RAD18: variants seen among roughly 807,000 people sequenced by gnomAD.
RAD18 encodes E3 ubiquitin-protein ligase RAD18.
A neutral mutation model predicts 60.4 loss-of-function variants in RAD18; 47 were observed. That is an observed-to-expected ratio of 0.78 (90% CI 0.62 to 0.99). The LOEUF (loss-of-function observed/expected upper bound fraction) is 0.99, where lower values mean the gene tolerates loss of function less well. RAD18 is among the 50% of genes least tolerant of loss of function. The probability of loss-of-function intolerance (pLI) is 0.00; values close to 1 mark genes in which losing one functional copy is unlikely to be tolerated. For synonymous variants in RAD18, 225 were observed against 195.5 expected, an observed-to-expected ratio of 1.15 and a Z score of -1.26; for missense variants, 640 against 593.3, an observed-to-expected ratio of 1.08 and a Z score of -0.82.
chr3:8,944,322 T>G (rs1000374684), intron 4 of RAD18, among the ~76,000 whole-genome samples: 3 of 152,122 alleles, frequency 2.0e-5, no homozygotes, highest in Non-Finnish European at 4.4e-5. Context: ...CAAAGAAAAC[T>G]CCAAGCCCAG....
At chr3:8,901,233 G>T (rs979032831) in intron 10 of RAD18, among the ~76,000 whole-genome samples, 2 of 152,188 alleles carry the variant, frequency 1.3e-5, no homozygotes, top group Admixed American at 1.3e-4. Flanking sequence ...TGGTGGGAAT[G>T]TAAGATAATG....
intron 7 of RAD18, among the ~76,000 whole-genome samples, chr3:8,935,395 A>C (rs1477930394): frequency 6.6e-6 from 1 of 152,246 alleles, no homozygotes; most frequent in Non-Finnish European, 1.5e-5. Context: ...ACATTTACTG[A>C]AAGCTAACTA....
At chr3:8,908,343 G>A (rs1940049049) in intron 9 of RAD18, among the ~76,000 whole-genome samples, 1 of 151,196 alleles carries the variant, frequency 6.6e-6, no homozygotes, top group African/African-American at 2.4e-5. Flanking sequence ...ATAGGGAAAT[G>A]ACAGAGGAGC....
intron 7 of RAD18, 126 bp from the exon 8 acceptor site, chr3:8,913,846 T>C: frequency 2.0e-6 from 1 of 504,118 alleles, no homozygotes. Flanking sequence ...CCCTGATCTA[T>C]TTTTACAATT....
intron 9 of RAD18, among the ~76,000 whole-genome samples, chr3:8,907,797 G>C (rs953287944): frequency 6.6e-6 from 1 of 151,964 alleles, no homozygotes; most frequent in South Asian, 2.1e-4. Context: ...CTATCGGTTT[G>C]TGCAACCTCA....
At chr3:8,915,815 C>A (rs889567233) in intron 7 of RAD18, among the ~76,000 whole-genome samples, 5 of 152,080 alleles carry the variant, frequency 3.3e-5, no homozygotes, top group Admixed American at 3.3e-4. Flanking sequence ...GATCTCCTGA[C>A]CTCGTGATCC....
chr3:8,920,211 G>C (rs370466033), intron 7 of RAD18, among the ~76,000 whole-genome samples: 1 of 150,952 alleles, frequency 6.6e-6, no homozygotes, highest in Admixed American at 6.6e-5. Flanking sequence ...CCTGGGAGGC[G>C]GAGCTTGCAG....
chr3:8,939,364 T>A (rs1329832166), intron 6 of RAD18, among the ~76,000 whole-genome samples, 190 bp downstream of exon 6: 1 of 152,178 alleles, frequency 6.6e-6, no homozygotes, highest in Non-Finnish European at 1.5e-5. Context: ...TAATCATATT[T>A]GGCAAAGTGG....
chr3:8,890,625 T>C (rs904475212), intron 11 of RAD18, among the ~76,000 whole-genome samples, 174 bp from the exon 12 acceptor site: 3 of 152,146 alleles, frequency 2.0e-5, no homozygotes, highest in African/African-American at 4.8e-5. Flanking sequence ...GAGCCAAATG[T>C]AGTTTCCATT....
intron 9 of RAD18, 62 bp from the exon 10 acceptor site, chr3:8,902,582 A>T: frequency 6.8e-7 from 1 of 1,473,054 alleles, no homozygotes; most frequent in Non-Finnish European, 9.1e-7. Context: ...TCTACAACTG[A>T]CAAACTGAAT....
chr3:8,912,132 C>T (rs1940114222), intron 9 of RAD18, among the ~76,000 whole-genome samples, 180 bp downstream of exon 9: 1 of 152,076 alleles, frequency 6.6e-6, no homozygotes, highest in Admixed American at 6.6e-5. Context: ...AATCAAAAAG[C>T]AGGCATATAA....
intron 10 of RAD18, among the ~76,000 whole-genome samples, chr3:8,900,335 A>G (rs1418574536): frequency 2.0e-5 from 3 of 152,208 alleles, no homozygotes; most frequent in Non-Finnish European, 4.4e-5. Context: ...AACTCGGTTC[A>G]CCCAGGGACT....
At position 8,881,251 on chromosome 3, in the gene RAD18, G is replaced by A. The variant is rs1939456947; in HGVS notation, c.*106C>T. The A allele has an allele frequency of 1.1e-6, 1 of 898,882 alleles. No homozygotes were observed. Among genetic ancestry groups the A allele is most frequent in the African/African-American group, 1.7e-5 (1 of 58,870 alleles). The allele number at this position is 898,882 out of a possible 1,614,324, so 55.7% of individuals were successfully genotyped here. A position where few individuals can be genotyped will look rare whatever the true frequency, so the allele number is the denominator to read the frequency against. On this transcript the variant is annotated 3_prime_UTR_variant, in exon 13 of 13. Coordinates refer to ENST00000264926, the MANE Select transcript of RAD18 (RefSeq NM_020165.4). ...GAATATCAGCTAACCGTAATATTTA[G>A]AATTTAGCATCTTTCCTTGGGCATT...
At chr3:8,919,702 G>A (rs1053564506) in intron 7 of RAD18, among the ~76,000 whole-genome samples, 5 of 152,218 alleles carry the variant, frequency 3.3e-5, no homozygotes, top group Non-Finnish European at 5.9e-5. Flanking sequence ...AATGAGCATA[G>A]CTGGTAGCCA....
At chr3:8,912,255 A>G (rs554623610) in intron 9 of RAD18, 57 bp downstream of exon 9, 4 of 1,279,432 alleles carry the variant, frequency 3.1e-6, no homozygotes, top group Non-Finnish European at 2.2e-6. Context: ...AAAATTACTT[A>G]AGATGAAAAA....
At chr3:8,961,560 C>A (rs1365352395) in intron 1 of RAD18, among the ~76,000 whole-genome samples, 2 of 152,174 alleles carry the variant, frequency 1.3e-5, no homozygotes, top group African/African-American at 4.8e-5. Flanking sequence ...AAAGAAGTAA[C>A]TTCAGTCAGA....
intron 9 of RAD18, among the ~76,000 whole-genome samples, chr3:8,904,568 AAACT>A (rs1271541667): frequency 2.0e-5 from 3 of 152,198 alleles, no homozygotes; most frequent in African/African-American, 7.2e-5. Context: ...TCACTGGAAA[AAACT>A]AACTCTTTAC....
intron 7 of RAD18, among the ~76,000 whole-genome samples, chr3:8,928,788 C>T (rs961872263): frequency 1.3e-5 from 2 of 152,164 alleles, no homozygotes; most frequent in Admixed American, 6.5e-5. Context: ...GATCACTGCA[C>T]AAAAAAGCAA....
intron 4 of RAD18, among the ~76,000 whole-genome samples, chr3:8,942,054 C>T (rs1285574254): frequency 6.6e-6 from 1 of 152,024 alleles, no homozygotes; most frequent in African/African-American, 2.4e-5. Context: ...TTATATGAGA[C>T]CTAATCTCCA....
Sources: gnomAD v4.1 joint callset for allele counts (sites outside exome capture counted in the v4.1 genomes callset) on GRCh38, gnomAD v4.1.1 for gene constraint, MANE v1.5 for transcripts, NCBI Gene and HGNC (gene_info 2026-07-23, HGNC 2026-07-21) for gene names.